LRP1B: variants seen among roughly 807,000 people sequenced by gnomAD.
The protein encoded by LRP1B is LDL receptor related protein 1B.
LRP1B carries 217 observed loss-of-function variants against 556.6 expected under a neutral mutation model. That is an observed-to-expected ratio of 0.39 (90% CI 0.35 to 0.44). The LOEUF (loss-of-function observed/expected upper bound fraction) is 0.44, where lower values mean the gene tolerates loss of function less well. Among genes scored for constraint, LRP1B ranks in the 20% least tolerant of loss-of-function variants. LRP1B has a pLI of 1.00. For synonymous variants in LRP1B, 2,047 were observed against 1,865.8 expected (o/e 1.10, Z -2.50); for missense variants, 5,053 against 5,620.8 (o/e 0.90, Z 3.23).
chr2:141,999,498 C>A (rs1005494389), intron 1 of LRP1B, among the ~76,000 whole-genome samples: 1 of 151,530 alleles, frequency 6.6e-6, no homozygotes, highest in Non-Finnish European at 1.5e-5. Context: ...TACAAAAGAC[C>A]GCAATGGCTT....
chr2:140,711,818 A>G (rs1295740269), intron 37 of LRP1B, among the ~76,000 whole-genome samples: 2 of 152,132 alleles, frequency 1.3e-5, no homozygotes, highest in African/African-American at 2.4e-5. Flanking sequence ...AATACATTTG[A>G]TCTCCGCATT....
At chr2:141,250,286 G>T (rs1324575888) in intron 4 of LRP1B, among the ~76,000 whole-genome samples, 1 of 152,130 alleles carries the variant, frequency 6.6e-6, no homozygotes. Context: ...GTCTCAGACT[G>T]GGGGCTGGTC....
intron 41 of LRP1B, among the ~76,000 whole-genome samples, chr2:140,666,131 C>T (rs1319630280): frequency 4.6e-5 from 7 of 151,894 alleles, no homozygotes; most frequent in African/African-American, 1.7e-4. Flanking sequence ...GTAGTTGGGA[C>T]TACAGGTGCC....
intron 18 of LRP1B, among the ~76,000 whole-genome samples, chr2:140,970,758 T>TGA (rs1558772662): frequency 7.8e-6 from 1 of 128,590 alleles, no homozygotes; most frequent in Non-Finnish European, 1.6e-5. Context: ...TTTTTTTTTT[T>TGA]GAGAGAGGGT....
At chr2:141,735,734 A>G (rs1693440521) in intron 2 of LRP1B, among the ~76,000 whole-genome samples, 4 of 152,212 alleles carry the variant, frequency 2.6e-5, no homozygotes, top group Admixed American at 2.6e-4. Flanking sequence ...TGTGGATATT[A>G]TATTTAGAAA....
Position 140,431,401 on chromosome 2 carries a change from T to C in LRP1B, c.10414+11103A>G, listed in dbSNP as rs190356868. Among the ~76,000 whole-genome samples the C allele has an allele frequency of 9.9e-5, 15 of 152,256 alleles. No homozygotes were observed. In the East Asian group the frequency reaches 2.5e-3, roughly 26 times the overall value. ...GTCTCATTCCAGGCACCAGACCAAC[T>C]TGGACTGTGCCCCAAAAAACTTGTC... On this transcript the variant is annotated intron_variant, in intron 66 of 90. Transcript: ENST00000389484.
chr2:141,666,596 G>A (rs759485170), intron 2 of LRP1B, among the ~76,000 whole-genome samples: 1 of 152,116 alleles, frequency 6.6e-6, no homozygotes, highest in Admixed American at 6.5e-5. Context: ...CTATGCTATG[G>A]ATGATTCAGG....
chr2:141,909,105 T>C (rs943576293), intron 1 of LRP1B, among the ~76,000 whole-genome samples: 4 of 152,012 alleles, frequency 2.6e-5, no homozygotes, highest in African/African-American at 9.7e-5. Context: ...CCTGTTTAGC[T>C]TAGTGCAGAG....
At chr2:141,542,184 A>G (rs1022743859) in intron 2 of LRP1B, among the ~76,000 whole-genome samples, 1 of 152,086 alleles carries the variant, frequency 6.6e-6, no homozygotes, top group Admixed American at 6.6e-5. Flanking sequence ...TGCAGATTGA[A>G]CAAGTTACTT....
chr2:141,654,997 T>C (rs1277815686), intron 2 of LRP1B, among the ~76,000 whole-genome samples: 1 of 152,176 alleles, frequency 6.6e-6, no homozygotes, highest in Non-Finnish European at 1.5e-5. Context: ...AATTTATCAG[T>C]ACAGAAGCTA....
At chr2:142,116,680 G>C (rs1200084013) in intron 1 of LRP1B, among the ~76,000 whole-genome samples, 1 of 151,928 alleles carries the variant, frequency 6.6e-6, no homozygotes, top group Non-Finnish European at 1.5e-5. Context: ...TTGGTTGAAG[G>C]GTATATGGAA....
At position 140,357,984 on chromosome 2, in the gene LRP1B, C is replaced by T. The variant is rs1370895124; in HGVS notation, c.11390G>A (p.Arg3797Lys). ...CGDGSDEQGC[R>K]IAPTEYTCED... is the part of the protein sequence containing the mutation. ...TTAACAGAAAACAAGCTCACCTATT[C>T]TGCATCCTTGCTCATCTGAACCATC... Residue 3797 changes from arginine to lysine, a missense_variant, in exon 74 of 91, where the codon AGA becomes AAA. This residue lies in a region of LRP1B where 599 missense variants were observed against 648.4 expected (regional missense o/e 0.92). Coordinates refer to ENST00000389484, the MANE Select transcript of LRP1B (RefSeq NM_018557.3). 1.2e-6 allele frequency: 2 copies of T among 1,609,818 alleles called. No individual in the cohort carries two copies. The highest frequency in any genetic ancestry group is 1.7e-5 in the Admixed American group (1 of 59,814).
intron 45 of LRP1B, among the ~76,000 whole-genome samples, chr2:140,540,382 ATTTTGGAAACAG>A (rs1680090505): frequency 2.0e-5 from 3 of 152,180 alleles, no homozygotes; most frequent in Admixed American, 2.0e-4. Context: ...ACCCTGATTT[ATTTTGGAAACAG>A]TTTTGGAAAC....
chr2:140,595,096 A>C (rs10566517), intron 43 of LRP1B, among the ~76,000 whole-genome samples: 9,315 of 46,156 alleles, frequency 0.2, 636 homozygotes, highest in Non-Finnish European at 0.24. Flanking sequence ...GAATATATAT[A>C]TATATATATA....
chr2:141,794,156 T>A (rs1435909110), intron 2 of LRP1B, among the ~76,000 whole-genome samples: 1 of 151,938 alleles, frequency 6.6e-6, no homozygotes, highest in Non-Finnish European at 1.5e-5. Context: ...ACATCTTGAA[T>A]GTGGGCATGA....
intron 20 of LRP1B, 76 bp from the exon 21 acceptor site, chr2:140,923,223 T>C: frequency 8.6e-7 from 1 of 1,163,866 alleles, no homozygotes; most frequent in African/African-American, 1.6e-5. Context: ...TTGTTGGTAG[T>C]TTTTATTTCA....
intron 2 of LRP1B, among the ~76,000 whole-genome samples, chr2:141,752,809 G>A (rs527509658): frequency 6.6e-6 from 1 of 150,714 alleles, no homozygotes; most frequent in Non-Finnish European, 1.5e-5. Context: ...TTTTGGTGGT[G>A]CATGCCTGTG....
At chr2:141,139,026 T>C (rs76768121) in intron 7 of LRP1B, among the ~76,000 whole-genome samples, 24 of 152,028 alleles carry the variant, frequency 1.6e-4, no homozygotes, top group Non-Finnish European at 3.4e-4. Context: ...AGAATAAATA[T>C]TTTAGAAATA....
At chr2:140,796,040 A>G (rs1690298397) in intron 32 of LRP1B, among the ~76,000 whole-genome samples, 1 of 149,426 alleles carries the variant, frequency 6.7e-6, no homozygotes. Context: ...TGTAACAATT[A>G]TGTCCCTGCT....
Sources: allele counts gnomAD v4.1 joint callset (sites outside exome capture counted in the v4.1 genomes callset), GRCh38; gene constraint gnomAD v4.1.1; regional missense constraint gnomAD v4.1.1; transcripts MANE v1.5; gene names NCBI Gene and HGNC (gene_info 2026-07-23, HGNC 2026-07-21).